UBXN7: variants seen among roughly 807,000 people sequenced by gnomAD.
The protein encoded by UBXN7 is UBX domain protein 7.
A neutral mutation model predicts 58.0 loss-of-function variants in UBXN7; 9 were observed. The observed-to-expected ratio is 0.16, with a 90% CI of 0.09 to 0.27. The LOEUF is 0.27. UBXN7 is among the 10% of genes least tolerant of loss of function. The pLI, the probability that UBXN7 is intolerant of heterozygous loss-of-function variation, is 1.00. For missense variants in UBXN7, 328 were observed against 599.6 expected (o/e 0.55, Z 4.73); for synonymous variants, 208 against 205.0 (o/e 1.01, Z -0.12).
chr3:196,386,959 C>G (rs1314212295), intron 5 of UBXN7, among the ~76,000 whole-genome samples: 1 of 152,234 alleles, frequency 6.6e-6, no homozygotes, highest in East Asian at 1.9e-4. Context: ...TGACTTCAAA[C>G]TATACTACAA....
At chr3:196,388,266 G>A (rs1425777384) in intron 5 of UBXN7, among the ~76,000 whole-genome samples, 1 of 143,562 alleles carries the variant, frequency 7.0e-6, no homozygotes, top group African/African-American at 2.6e-5. Flanking sequence ...ATACAGGGCA[G>A]GGAACATCAC....
intron 5 of UBXN7, among the ~76,000 whole-genome samples, chr3:196,373,434 C>G (rs980074005): frequency 2.0e-5 from 3 of 152,166 alleles, no homozygotes; most frequent in Non-Finnish European, 4.4e-5. Flanking sequence ...AGCAAATAAG[C>G]AAATGCTGCC....
chr3:196,362,957 G>A (rs907433239), intron 8 of UBXN7, among the ~76,000 whole-genome samples: 57 of 151,942 alleles, frequency 3.8e-4, no homozygotes, highest in Non-Finnish European at 2.8e-4. Flanking sequence ...AGGCTGGAGT[G>A]CAGTGGCACG....
intron 10 of UBXN7, among the ~76,000 whole-genome samples, chr3:196,361,232 C>T (rs897098067): frequency 5.3e-5 from 8 of 151,984 alleles, no homozygotes; most frequent in African/African-American, 1.5e-4. Context: ...TGGAGGATGG[C>T]GATATGACTG....
chr3:196,376,545 C>CAAAAAAAA (rs777458391), intron 5 of UBXN7, among the ~76,000 whole-genome samples: 79 of 50,652 alleles, frequency 1.6e-3, no homozygotes, highest in Non-Finnish European at 2.1e-3. Context: ...GACTCTGTCT[C>CAAAAAAAA]AAAAAAAAAA....
chr3:196,383,122 A>G (rs1408017670), intron 5 of UBXN7, among the ~76,000 whole-genome samples: 2 of 151,962 alleles, frequency 1.3e-5, no homozygotes, highest in African/African-American at 4.8e-5. Context: ...TCTCCAAAAA[A>G]AAAAAAAGAA....
intron 5 of UBXN7, among the ~76,000 whole-genome samples, chr3:196,389,097 T>C (rs1729498721): frequency 6.6e-6 from 1 of 152,204 alleles, no homozygotes. Context: ...TCAAGCTTAG[T>C]TACTGCATTA....
chr3:196,389,536 G>T lies in UBXN7; in HGVS notation c.468+2277C>A, dbSNP rs547510913. Among the ~76,000 whole-genome samples, 15 of 152,262 alleles carry T rather than the reference G, an allele frequency of 9.9e-5. No individual in the cohort carries two copies. In the East Asian group the frequency reaches 2.9e-3, roughly 29 times the overall value. On this transcript the variant is annotated intron_variant, in intron 5 of 10. Transcript: ENST00000296328. Reference sequence around the variant, plus strand: ...CTGAAATGTAATCCCCAGTGTTGGGGGTGGGGCCTCGTAGGTGGTGTTTGG... The same window carrying T: ...CTGAAATGTAATCCCCAGTGTTGGGTGTGGGGCCTCGTAGGTGGTGTTTGG...
intron 7 of UBXN7, among the ~76,000 whole-genome samples, chr3:196,369,045 G>C (rs1275214985): frequency 1.2e-4 from 18 of 152,074 alleles, no homozygotes; most frequent in Non-Finnish European, 2.9e-5. Context: ...AGGATGGTCT[G>C]GATCGCCTGA....
At chr3:196,366,956 G>A (rs1238375147) in intron 8 of UBXN7, among the ~76,000 whole-genome samples, 1 of 152,158 alleles carries the variant, frequency 6.6e-6, no homozygotes, top group African/African-American at 2.4e-5. Flanking sequence ...GCCGAGAAGG[G>A]CGGATCACTT....
intron 10 of UBXN7, among the ~76,000 whole-genome samples, chr3:196,358,621 G>A (rs953838214): frequency 7.2e-5 from 11 of 152,004 alleles, no homozygotes; most frequent in African/African-American, 2.7e-4. Context: ...CACACCTGTA[G>A]TCCCAGCTAC....
At chr3:196,417,668 C>T (rs1017728465) in intron 1 of UBXN7, among the ~76,000 whole-genome samples, 2 of 133,788 alleles carry the variant, frequency 1.5e-5, no homozygotes, top group Non-Finnish European at 3.1e-5. Context: ...TTTGGAAGGC[C>T]GAGGCAGACG....
chr3:196,408,025 G>A (rs983045697), intron 1 of UBXN7, among the ~76,000 whole-genome samples: 2 of 149,064 alleles, frequency 1.3e-5, no homozygotes, highest in Non-Finnish European at 3.0e-5. Flanking sequence ...TTGAACCCAG[G>A]AGGCAGAGGT....
intron 5 of UBXN7, among the ~76,000 whole-genome samples, chr3:196,390,966 CTAAG>C (rs760953833): frequency 6.6e-5 from 10 of 152,220 alleles, no homozygotes; most frequent in Non-Finnish European, 1.0e-4. Context: ...TTCCTCTGCC[CTAAG>C]TAAGTCTGTA....
chr3:196,401,609 T>C (rs536345376), intron 3 of UBXN7, among the ~76,000 whole-genome samples: 1 of 148,840 alleles, frequency 6.7e-6, no homozygotes, highest in Non-Finnish European at 1.5e-5. Context: ...CAGGGCCTGG[T>C]TGAGGGTGGA....
chr3:196,381,444 T>TCAACAAAAAGGTCATCTACAC (rs1729202657), intron 5 of UBXN7, among the ~76,000 whole-genome samples: 1 of 151,748 alleles, frequency 6.6e-6, no homozygotes, highest in Admixed American at 6.6e-5. Context: ...AGCATCTACA[T>TCAACAAAAAGGTCATCTACAC]CAACAAAAAG....
intron 1 of UBXN7, among the ~76,000 whole-genome samples, chr3:196,426,647 G>A (rs572972945): frequency 1.3e-5 from 2 of 152,064 alleles, no homozygotes; most frequent in East Asian, 1.9e-4. Flanking sequence ...TCGGGAGTTC[G>A]AGACCAGCCT....
At chr3:196,369,608 A>C in intron 6 of UBXN7, 97 bp from the exon 7 acceptor site, 2 of 816,044 alleles carry the variant, frequency 2.5e-6, no homozygotes, top group Non-Finnish European at 4.0e-6. Context: ...CTCCAAATAT[A>C]CCTCCGGCCT....
intron 3 of UBXN7, among the ~76,000 whole-genome samples, chr3:196,398,895 C>T (rs771358153): frequency 1.8e-4 from 27 of 151,990 alleles, no homozygotes; most frequent in Non-Finnish European, 2.8e-4. Context: ...CCTCAGCCTC[C>T]GAAAGTAATC....
Sources: allele counts gnomAD v4.1 joint callset (sites outside exome capture counted in the v4.1 genomes callset), GRCh38; gene constraint gnomAD v4.1.1; transcripts MANE v1.5; gene names NCBI Gene and HGNC (gene_info 2026-07-23, HGNC 2026-07-21).